FHL2: variants seen among roughly 807,000 people sequenced by gnomAD.
The protein encoded by FHL2 is four and a half LIM domains protein 2.
Under a neutral mutation model 32.7 loss-of-function variants are expected in FHL2, and 20 were observed. That is an observed-to-expected ratio of 0.61 (90% CI 0.43 to 0.89). The LOEUF (loss-of-function observed/expected upper bound fraction) is 0.89, where lower values mean the gene tolerates loss of function less well. Among genes scored for constraint, FHL2 ranks in the 40% least tolerant of loss-of-function variants. FHL2 has a pLI of 0.00. For synonymous variants in FHL2, 123 were observed against 128.1 expected, an observed-to-expected ratio of 0.96 and a Z score of 0.27; for missense variants, 311 against 358.6, an observed-to-expected ratio of 0.87 and a Z score of 1.07.
At chr2:105,361,586 T>A in intron 6 of FHL2, 152 bp from the exon 7 acceptor site, 1 of 648,712 alleles carries the variant, frequency 1.5e-6, no homozygotes, top group Non-Finnish European at 2.6e-6. Flanking sequence ...GGAATCCATA[T>A]GTAAATCAGA....
At chr2:105,391,443 G>T (rs1199172839) in intron 2 of FHL2, among the ~76,000 whole-genome samples, 1 of 152,124 alleles carries the variant, frequency 6.6e-6, no homozygotes, top group Non-Finnish European at 1.5e-5. Context: ...AGGTGATATG[G>T]CAGGTCAGGT....
chr2:105,402,233 A>G (rs1306051641), upstream of FHL2, among the ~76,000 whole-genome samples: 3 of 147,400 alleles, frequency 2.0e-5, no homozygotes, highest in Non-Finnish European at 4.4e-5. Context: ...GTGTATATAT[A>G]TATGTGTGTG....
intron 2 of FHL2, among the ~76,000 whole-genome samples, chr2:105,396,242 G>A (rs1683121031): frequency 6.6e-6 from 1 of 152,180 alleles, no homozygotes; most frequent in Non-Finnish European, 1.5e-5. Context: ...GTAGGCTGGA[G>A]ACCCAGGAGA....
intron 2 of FHL2, among the ~76,000 whole-genome samples, chr2:105,387,680 T>C (rs1230664987): frequency 1.3e-5 from 2 of 152,152 alleles, no homozygotes; most frequent in South Asian, 2.1e-4. Context: ...GTTCAACCCT[T>C]GTGGAAAGCA....
chr2:105,421,764 C>A (rs550790207), intron 1 of FHL2, among the ~76,000 whole-genome samples: 5 of 152,146 alleles, frequency 3.3e-5, no homozygotes, highest in African/African-American at 4.8e-5. Flanking sequence ...ACACTGATAT[C>A]GTAACTGTCA....
intron 1 of FHL2, among the ~76,000 whole-genome samples, chr2:105,431,252 T>C (rs1334658833): frequency 6.6e-6 from 1 of 152,236 alleles, no homozygotes; most frequent in Admixed American, 6.5e-5. Flanking sequence ...GCTGTAGGTA[T>C]TGGGCATATC....
intron 2 of FHL2, 39 bp from the exon 3 acceptor site, chr2:105,386,579 C>T: frequency 6.3e-7 from 1 of 1,597,760 alleles, no homozygotes; most frequent in Non-Finnish European, 8.6e-7. Flanking sequence ...CCATTAAGCA[C>T]TCTCTGAAAG....
chr2:105,420,190 C>T (rs534899800), intron 1 of FHL2, among the ~76,000 whole-genome samples: 1 of 152,326 alleles, frequency 6.6e-6, no homozygotes, highest in Non-Finnish European at 1.5e-5. Flanking sequence ...GGGTTGGTCC[C>T]TTCTGAGGGC....
chr2:105,367,551 A>G lies in FHL2; in HGVS notation c.501+19T>C. 1 of 1,602,842 alleles carries G rather than the reference A, an allele frequency of 6.2e-7. No individual in the cohort carries two copies. ...AAACCAGCCAGAACGTGCAAGGGCCAAGGGGGCATCTGAGATACCTTTTTG... is the reference window on the plus strand; with the variant it reads ...AAACCAGCCAGAACGTGCAAGGGCCGAGGGGGCATCTGAGATACCTTTTTG... On this transcript the variant is annotated intron_variant, in intron 5 of 6. Coordinates refer to ENST00000530340, the MANE Select transcript of FHL2 (RefSeq NM_001318895.3).
intron 1 of FHL2, among the ~76,000 whole-genome samples, chr2:105,421,027 TG>T (rs1223231262): frequency 3.3e-5 from 5 of 152,172 alleles, no homozygotes. Context: ...AATGGGGCAC[TG>T]GGGTTGTACA....
intron 1 of FHL2, among the ~76,000 whole-genome samples, chr2:105,437,480 C>G (rs950058536): frequency 6.6e-6 from 1 of 152,154 alleles, no homozygotes; most frequent in African/African-American, 2.4e-5. Context: ...AAATAATATT[C>G]CCAAGAAACA....
intron 1 of FHL2, among the ~76,000 whole-genome samples, chr2:105,407,515 C>T (rs755396028): frequency 2.0e-5 from 3 of 151,632 alleles, no homozygotes; most frequent in Admixed American, 6.6e-5. Flanking sequence ...TTTAGGCAGT[C>T]GAGTTATCTG....
chr2:105,377,590 C>G (rs995769578), intron 3 of FHL2: 4 of 158,338 alleles, frequency 2.5e-5, no homozygotes, highest in African/African-American at 9.6e-5. Context: ...GAGCCAAGAT[C>G]GCACCATTGC....
intron 1 of FHL2, among the ~76,000 whole-genome samples, chr2:105,426,557 T>A (rs1421685397): frequency 6.6e-6 from 1 of 152,166 alleles, no homozygotes; most frequent in African/African-American, 2.4e-5. Flanking sequence ...CCAGCAGTCC[T>A]GGAAGGCAGC....
At chr2:105,399,764 G>A, upstream of FHL2, 2 of 771,024 alleles carry the variant, frequency 2.6e-6, no homozygotes, top group East Asian at 5.9e-5. Context: ...TTGTCGCAGG[G>A]AGAGCACAGG....
chr2:105,418,864 T>A (rs1684015218), intron 1 of FHL2, among the ~76,000 whole-genome samples: 1 of 152,238 alleles, frequency 6.6e-6, no homozygotes, highest in Admixed American at 6.5e-5. Context: ...TTTATTATTA[T>A]TTATTGTTAA....
intron 4 of FHL2, among the ~76,000 whole-genome samples, chr2:105,370,594 G>A (rs1444890481): frequency 6.6e-6 from 1 of 151,718 alleles, no homozygotes; most frequent in Non-Finnish European, 1.5e-5. Context: ...TGGAGCTGGT[G>A]GGTGAGTTTT....
chr2:105,368,892 G>C (rs1015324916), intron 4 of FHL2, among the ~76,000 whole-genome samples: 4 of 152,248 alleles, frequency 2.6e-5, no homozygotes, highest in Non-Finnish European at 2.9e-5. Context: ...TGGCCACTGT[G>C]TAAGACCAAA....
intron 2 of FHL2, among the ~76,000 whole-genome samples, chr2:105,394,040 G>C (rs1265888649): frequency 6.6e-6 from 1 of 152,168 alleles, no homozygotes; most frequent in Non-Finnish European, 1.5e-5. Flanking sequence ...CTACAGACAT[G>C]TGATGCCTAT....
Sources: allele counts gnomAD v4.1 joint callset (sites outside exome capture counted in the v4.1 genomes callset), GRCh38; gene constraint gnomAD v4.1.1; transcripts MANE v1.5; gene names NCBI Gene and HGNC (gene_info 2026-07-23, HGNC 2026-07-21).